EXOC5: variants seen among roughly 807,000 people sequenced by gnomAD.
EXOC5 encodes the protein exocyst complex component 5, also known as SEC10-like 1.
EXOC5 carries 17 observed loss-of-function variants against 90.8 expected under a neutral mutation model. The ratio of observed to expected loss-of-function variants is 0.19; its 90% CI spans 0.13 to 0.28. The LOEUF (loss-of-function observed/expected upper bound fraction) is 0.28. Among genes scored for constraint, EXOC5 ranks in the 10% least tolerant of loss-of-function variants. The pLI, the probability that EXOC5 is intolerant of heterozygous loss-of-function variation, is 1.00. For missense variants in EXOC5, 569 were observed against 830.6 expected (o/e 0.69, Z 3.87); for synonymous variants, 260 against 270.0 (o/e 0.96, Z 0.36).
intron 6 of EXOC5, among the ~76,000 whole-genome samples, chr14:57,236,825 T>C (rs1883678854): frequency 6.6e-6 from 1 of 151,866 alleles, no homozygotes; most frequent in Non-Finnish European, 1.5e-5. Flanking sequence ...TAGAATGATC[T>C]AACCTAAACT....
At chr14:57,231,365 T>C (rs1883480901) in intron 11 of EXOC5, 141 bp downstream of exon 11, 1 of 623,392 alleles carries the variant, frequency 1.6e-6, no homozygotes, top group East Asian at 2.8e-5. Context: ...GAACAAGATT[T>C]GATCAATAAT....
chr14:57,209,629 T>A lies in EXOC5; in HGVS notation c.1876A>T (p.Met626Leu). 1 of 1,613,512 alleles carries A rather than the reference T, an allele frequency of 6.2e-7. No individual in the cohort carries two copies. Among genetic ancestry groups the A allele is most frequent in the Non-Finnish European group, 8.5e-7 (1 of 1,179,620 alleles). Residue 626 changes from methionine (M) to leucine (L), a missense_variant, in exon 17 of 18, where the codon ATG becomes TTG. By Grantham distance (15) the Met-to-Leu change is conservative. Coordinates refer to ENST00000621441, the MANE Select transcript of EXOC5 (RefSeq NM_006544.4). ...EHLQQYSYSCMGGMLAICDVA... is the reference protein window; with the variant it reads ...EHLQQYSYSCLGGMLAICDVA... ...TCACAAATGGCCAACATGCCACCCA[T>A]ACAACTGTAGGAATATTGTTGAAGA...
Position 57,268,835 on chromosome 14 carries a change from C to T in EXOC5, c.-187G>A. On this transcript the variant is annotated 5_prime_UTR_variant, in exon 1 of 18. Transcript: ENST00000621441. ...CGGCCATGAAGCGAAGCCGCAAACG[C>T]TTGTCAGCTGCCTCCCGGCGCCGCC... 1 of 1,331,942 alleles carries T rather than the reference C, an allele frequency of 7.5e-7. No homozygotes were observed. The highest frequency in any genetic ancestry group is 9.7e-7 in the Non-Finnish European group (1 of 1,029,420). The allele number at this position is 1,331,942 out of a possible 1,614,324, so 82.5% of individuals were successfully genotyped here.
rs1375481324 is a variant in EXOC5 at position 57,200,964 on chromosome 14, T to C, written c.*7645A>G. On this transcript the variant is annotated 3_prime_UTR_variant, in exon 18 of 18. Transcript: ENST00000621441. Reference sequence around the variant, plus strand: ...GAGAGAGGGGAAGCCCAGTATGGAGTATGGAAGCTCAAGTGAGGTGAGGAA... The same window carrying C: ...GAGAGAGGGGAAGCCCAGTATGGAGCATGGAAGCTCAAGTGAGGTGAGGAA... The C allele has an allele frequency of 1.3e-5, 2 of 151,878 alleles. No homozygotes were observed. The highest frequency in any genetic ancestry group is 6.6e-5 in the Admixed American group (1 of 15,230). 9.4% of individuals were successfully genotyped at this position (151,878 alleles called of 1,614,324 possible). A position where few individuals can be genotyped will look rare whatever the true frequency, so the allele number is the denominator to read the frequency against.
At chr14:57,248,651 C>A (rs1055776663) in intron 1 of EXOC5, among the ~76,000 whole-genome samples, 2 of 151,864 alleles carry the variant, frequency 1.3e-5, no homozygotes, top group Admixed American at 6.6e-5. Flanking sequence ...TTCATACTAC[C>A]CTCTTTCATG....
At chr14:57,233,411 T>C (rs1421942647) in intron 9 of EXOC5, among the ~76,000 whole-genome samples, 5 of 152,140 alleles carry the variant, frequency 3.3e-5, no homozygotes, top group African/African-American at 1.2e-4. Flanking sequence ...GTAATTCTTG[T>C]TCAGTTTCAC....
chr14:57,257,322 G>A (rs1408876779), intron 1 of EXOC5, among the ~76,000 whole-genome samples: 2 of 152,186 alleles, frequency 1.3e-5, no homozygotes, highest in Admixed American at 6.5e-5. Context: ...ATATGTTAAA[G>A]TGTAGATGCC....
intron 11 of EXOC5, among the ~76,000 whole-genome samples, chr14:57,231,035 G>A (rs1006003830): frequency 1.4e-5 from 2 of 147,838 alleles, no homozygotes; most frequent in Non-Finnish European, 3.0e-5. Flanking sequence ...TTGACACGGA[G>A]TCTTGCTGTG....
intron 13 of EXOC5, among the ~76,000 whole-genome samples, chr14:57,221,981 A>C (rs1883153603): frequency 6.6e-6 from 1 of 152,106 alleles, no homozygotes; most frequent in African/African-American, 2.4e-5. Flanking sequence ...TAAATTTTAC[A>C]TTACTCAATT....
Position 57,200,595 on chromosome 14 carries a change from T to G in EXOC5, c.*8014A>C, listed in dbSNP as rs879297362. On this transcript the variant is annotated 3_prime_UTR_variant, in exon 18 of 18. Transcript: ENST00000621441. ...GTTTCCATTCATACAGTTTCTCTGA[T>G]GCACTCTTATTAAATAGCAATTACA... is the stretch of plus-strand genomic sequence containing the variant. 6.6e-6 allele frequency: 1 copy of G among 152,164 alleles called. No homozygotes were observed. Among genetic ancestry groups the G allele is most frequent in the Non-Finnish European group, 1.5e-5 (1 of 68,038 alleles). 9.4% of individuals were successfully genotyped at this position (152,164 alleles called of 1,614,324 possible). A position where few individuals can be genotyped will look rare whatever the true frequency, so the allele number is the denominator to read the frequency against.
intron 1 of EXOC5, among the ~76,000 whole-genome samples, chr14:57,254,329 G>A (rs1445833705): frequency 2.6e-5 from 4 of 151,972 alleles, no homozygotes; most frequent in African/African-American, 7.3e-5. Context: ...CAGCTCTTTG[G>A]GAGTCTGAGG....
In EXOC5 at chr14:57,208,758, G is replaced by C. The variant is rs541902167; in HGVS notation, c.1978C>G (p.Leu660Val). Residue 660 changes from leucine to valine, a missense_variant, in exon 18 of 18, where the codon CTT (leucine) becomes GTT (valine). Physicochemically the swap from Leu to Val is conservative, Grantham distance 32. Around this residue, in one of 9 missense-constraint regions of EXOC5, gnomAD observed 122 missense variants for 180.0 expected, o/e 0.68. Coordinates refer to ENST00000621441, the MANE Select transcript of EXOC5 (RefSeq NM_006544.4). ...GGGGCAACTACCAGAAGATTGCAAA[G>C]AGCATGCAGAGTATCAAAAAGATGT... The part of the protein sequence containing the change: ...VLHLFDTLHA[L>V]CNLLVVAPDN... The C allele has an allele frequency of 3.4e-5, 55 of 1,609,064 alleles. No homozygotes were observed. The Middle Eastern group carries it at 5.0e-4, about 15-fold the overall frequency.
chr14:57,233,160 A>G (rs1269142867), intron 9 of EXOC5: 2 of 155,414 alleles, frequency 1.3e-5, no homozygotes, highest in Non-Finnish European at 2.8e-5. Context: ...TTTCTTAGAC[A>G]GTAAATGTGT....
rs372101157 is a variant in EXOC5 at position 57,247,749 on chromosome 14, T to C, written c.28-37A>G. 24 of 1,074,812 alleles carry C rather than the reference T, an allele frequency of 2.2e-5. No individual in the cohort carries two copies. The South Asian group carries it at 3.2e-4, about 14-fold the overall frequency. The allele number at this position is 1,074,812 out of a possible 1,614,324, so 66.6% of individuals were successfully genotyped here. ...AAAAATACGCTTTAACAAAGTTTCA[T>C]ATACAAGTACTTAATATTACTTATA... On this transcript the variant is annotated intron_variant, in intron 1 of 17. Coordinates refer to ENST00000621441, the MANE Select transcript of EXOC5 (RefSeq NM_006544.4).
At chr14:57,242,469 C>G (rs1883899113) in intron 4 of EXOC5, among the ~76,000 whole-genome samples, 1 of 151,616 alleles carries the variant, frequency 6.6e-6, no homozygotes, top group African/African-American at 2.4e-5. Context: ...GTTTCAAACT[C>G]CTAAGCCCAA....
chr14:57,255,848 A>C (rs1884335371), intron 1 of EXOC5, among the ~76,000 whole-genome samples: 2 of 152,042 alleles, frequency 1.3e-5, no homozygotes, highest in Admixed American at 1.3e-4. Context: ...CAAAAAAAAA[A>C]AAAAAAGGAA....
At chr14:57,223,169 C>CAT (rs1199580954) in intron 12 of EXOC5, among the ~76,000 whole-genome samples, 1 of 152,050 alleles carries the variant, frequency 6.6e-6, no homozygotes, top group Non-Finnish European at 1.5e-5. Context: ...AGTATTTGCA[C>CAT]ATAGTGAGCT....
intron 12 of EXOC5, among the ~76,000 whole-genome samples, chr14:57,228,096 GA>G (rs1457321473): frequency 1.3e-5 from 2 of 151,606 alleles, no homozygotes; most frequent in South Asian, 2.1e-4. Flanking sequence ...TAACAAACAT[GA>G]AAAAAAGCTC....
At chr14:57,231,986 G>A (rs1486917001) in intron 10 of EXOC5, 5 of 300,618 alleles carry the variant, frequency 1.7e-5, no homozygotes, top group Admixed American at 4.8e-5. Flanking sequence ...CAGAAATGGC[G>A]ACAGTGGCAG....
Sources: gnomAD v4.1 joint callset for allele counts (sites outside exome capture counted in the v4.1 genomes callset) on GRCh38, gnomAD v4.1.1 for gene constraint, gnomAD v4.1.1 regional missense constraint, MANE v1.5 for transcripts, NCBI Gene and HGNC (gene_info 2026-07-23, HGNC 2026-07-21) for gene names.